SLC16A9: variants seen among roughly 807,000 people sequenced by gnomAD.
SLC16A9 encodes the protein solute carrier family 16 member 9.
In SLC16A9, 26 loss-of-function variants were observed where a neutral mutation model predicts 44.3. That is an observed-to-expected ratio of 0.59 (90% CI 0.43 to 0.81). The LOEUF (loss-of-function observed/expected upper bound fraction) is 0.81, where lower values mean the gene tolerates loss of function less well. Ranked by LOEUF, SLC16A9 falls within the 40% of genes least tolerant of loss-of-function variation. The probability of loss-of-function intolerance (pLI) is 0.00; values close to 1 mark genes in which losing one functional copy is unlikely to be tolerated. For synonymous variants in SLC16A9, 230 were observed against 225.1 expected, an observed-to-expected ratio of 1.02 and a Z score of -0.19; for missense variants, 559 against 595.8, an observed-to-expected ratio of 0.94 and a Z score of 0.64.
chr10:59,700,168 G>C (rs1840491418), intron 1 of SLC16A9, among the ~76,000 whole-genome samples: 1 of 152,154 alleles, frequency 6.6e-6, no homozygotes, highest in South Asian at 2.1e-4. Context: ...AAGCACTGAA[G>C]TCCAAACAAG....
chr10:59,659,029 T>C (rs1455537904), intron 4 of SLC16A9, among the ~76,000 whole-genome samples: 2 of 152,214 alleles, frequency 1.3e-5, no homozygotes, highest in Non-Finnish European at 2.9e-5. Context: ...GGCAACTGTA[T>C]GTCCTAAAAA....
rs1406218820 is a variant in SLC16A9, at chr10:59,653,900, C to A, written c.1126G>T (p.Val376Phe). The A allele has an allele frequency of 6.2e-7, 1 of 1,614,148 alleles. No individual in the cohort carries two copies. Reference sequence around the variant, plus strand: ...AGGCCCATGATGATTAAGGTAGCAACATAAAGATACAAGGTATTAATCCAC... The same window carrying A: ...AGGCCCATGATGATTAAGGTAGCAAAATAAAGATACAAGGTATTAATCCAC... ...FKWINTLYLY[V>F]ATLIIMGLAL... Residue 376 changes from valine to phenylalanine, a missense_variant, in exon 5 of 6, where the codon GTT becomes TTT. Physicochemically the swap from Val to Phe is conservative, Grantham distance 50 (BLOSUM62 -1). Coordinates refer to ENST00000395348, the MANE Select transcript of SLC16A9 (RefSeq NM_194298.3).
At chr10:59,675,734 C>A (rs1323517394) in intron 2 of SLC16A9, among the ~76,000 whole-genome samples, 2 of 152,218 alleles carry the variant, frequency 1.3e-5, no homozygotes, top group African/African-American at 4.8e-5. Context: ...CACGTGGTCA[C>A]CCTCCCAAAT....
At chr10:59,661,323 A>G (rs1355310454) in intron 4 of SLC16A9, among the ~76,000 whole-genome samples, 4 of 152,222 alleles carry the variant, frequency 2.6e-5, no homozygotes, top group Non-Finnish European at 5.9e-5. Flanking sequence ...ACACAAAATC[A>G]ATGGCAAAAA....
chr10:59,689,144 T>C (rs922851632), intron 1 of SLC16A9, among the ~76,000 whole-genome samples: 7 of 152,178 alleles, frequency 4.6e-5, no homozygotes, highest in Non-Finnish European at 7.3e-5. Context: ...TTCTGATCTG[T>C]CATCATCTCA....
intron 1 of SLC16A9, among the ~76,000 whole-genome samples, chr10:59,704,399 A>G (rs1240318276): frequency 2.0e-5 from 3 of 152,190 alleles, no homozygotes; most frequent in Non-Finnish European, 2.9e-5. Context: ...CAATCTACCC[A>G]TGAGGAAACT....
chr10:59,699,628 A>C (rs1338542264), intron 1 of SLC16A9, among the ~76,000 whole-genome samples: 1 of 152,074 alleles, frequency 6.6e-6, no homozygotes, highest in African/African-American at 2.4e-5. Context: ...TATATGAGTT[A>C]ATTTCTGTAA....
At chr10:59,662,289 G>GA (rs201875280) in intron 4 of SLC16A9, among the ~76,000 whole-genome samples, 5,161 of 145,800 alleles carry the variant, frequency 0.035, 311 homozygotes, top group African/African-American at 0.12. Flanking sequence ...AAATTTACAA[G>GA]AAAAAAAAAA....
intron 3 of SLC16A9, among the ~76,000 whole-genome samples, chr10:59,667,829 G>A (rs1212233200): frequency 2.6e-5 from 4 of 152,142 alleles, no homozygotes; most frequent in African/African-American, 4.8e-5. Context: ...CACAGCATCA[G>A]TATTAGTAAG....
In SLC16A9 at chr10:59,653,786, T is replaced by C; in HGVS notation, c.1240A>G (p.Ile414Val). 2.5e-6 allele frequency: 4 copies of C among 1,614,126 alleles called. No homozygotes were observed. The highest frequency in any genetic ancestry group is 3.4e-6 in the Non-Finnish European group (4 of 1,179,980). The change falls in exon 5 of 6, where the codon ATC becomes GTC. Residue 414 changes from isoleucine to valine, a missense_variant. By Grantham distance (29) the Ile-to-Val change is conservative. Transcript: ENST00000395348. ...ILGFLTGNWS[I>V]FPYVTTKTVG... ...GTCTTCGTGGTCACATATGGAAAGA[T>C]GGACCAATTACCAGTAAGAAACCCT...
At chr10:59,664,393 A>G (rs1340325692) in intron 3 of SLC16A9, 71 bp from the exon 4 acceptor site, 5 of 1,025,044 alleles carry the variant, frequency 4.9e-6, no homozygotes, top group Non-Finnish European at 7.4e-6. Context: ...AAGGAAAAAC[A>G]AGTATGTCCG....
intron 5 of SLC16A9, 118 bp from the exon 6 acceptor site, chr10:59,653,068 C>A (rs1453594495): frequency 6.0e-6 from 4 of 662,706 alleles, no homozygotes; most frequent in Middle Eastern, 4.5e-4. Flanking sequence ...TACTCCACTA[C>A]TTCCAGCGTG....
intron 4 of SLC16A9, among the ~76,000 whole-genome samples, chr10:59,656,928 C>T (rs1332540589): frequency 3.9e-5 from 6 of 152,100 alleles, no homozygotes; most frequent in Admixed American, 1.3e-4. Context: ...TATTAAATGG[C>T]GTTCAGGGAA....
chr10:59,677,267 A>C (rs1366060338), intron 2 of SLC16A9, among the ~76,000 whole-genome samples: 1 of 151,824 alleles, frequency 6.6e-6, no homozygotes, highest in Non-Finnish European at 1.5e-5. Flanking sequence ...AAAAAAAAAA[A>C]AATTATAGAG....
At chr10:59,706,775 C>G (rs2132558853) in intron 1 of SLC16A9, among the ~76,000 whole-genome samples, 1 of 152,026 alleles carries the variant, frequency 6.6e-6, no homozygotes, top group Non-Finnish European at 1.5e-5. Flanking sequence ...AAGTTCGAGA[C>G]CAGCCTGGCC....
At chr10:59,676,027 T>C (rs1839851243) in intron 2 of SLC16A9, among the ~76,000 whole-genome samples, 1 of 152,218 alleles carries the variant, frequency 6.6e-6, no homozygotes, top group African/African-American at 2.4e-5. Flanking sequence ...CGGAATTCTT[T>C]CCTCCAAGGA....
At chr10:59,701,057 C>T (rs923685406) in intron 1 of SLC16A9, among the ~76,000 whole-genome samples, 1 of 152,206 alleles carries the variant, frequency 6.6e-6, no homozygotes, top group African/African-American at 2.4e-5. Flanking sequence ...AAGATCTCAA[C>T]TGGATGTGCC....
intron 5 of SLC16A9, 30 bp from the exon 6 acceptor site, chr10:59,652,980 T>C (rs777589527): frequency 2.5e-6 from 4 of 1,569,592 alleles, no homozygotes; most frequent in African/African-American, 1.4e-5. Flanking sequence ...AAAAGTAAGT[T>C]TCATGGAAAT....
chr10:59,664,260 G>A lies in SLC16A9; in HGVS notation c.403C>T (p.Arg135Cys), dbSNP rs765427976. The A allele has an allele frequency of 6.8e-6, 11 of 1,612,340 alleles. No individual in the cohort carries two copies. The highest frequency in any genetic ancestry group is 3.3e-5 in the Admixed American group (2 of 59,854). Residue 135 changes from arginine (R) to cysteine (C), a missense_variant, in exon 4 of 6, where the codon CGC (arginine) becomes TGC (cysteine). Physicochemically the swap from Arg to Cys is radical, Grantham distance 180. Coordinates refer to ENST00000395348, the MANE Select transcript of SLC16A9 (RefSeq NM_194298.3). ...ATCAGGCCAAGCGCTAGGCCTCGGC[G>A]ATCGTCAAAATACTGGCACGTAATG... is the stretch of plus-strand genomic sequence containing the variant. ...VTITCQYFDD[R>C]RGLALGLIST...
Sources: gnomAD v4.1 joint callset for allele counts (sites outside exome capture counted in the v4.1 genomes callset) on GRCh38, gnomAD v4.1.1 for gene constraint, MANE v1.5 for transcripts, NCBI Gene and HGNC (gene_info 2026-07-23, HGNC 2026-07-21) for gene names.